DTD1: variants seen among roughly 807,000 people sequenced by gnomAD.
DTD1 encodes D-tyrosyl-tRNA deacylase 1 homolog.
DTD1 carries 13 observed loss-of-function variants against 25.6 expected under a neutral mutation model. The ratio of observed to expected loss-of-function variants is 0.51; its 90% confidence interval spans 0.33 to 0.81. The LOEUF is 0.81. DTD1 is among the 30% of genes least tolerant of loss of function. The pLI is 0.02. For missense variants in DTD1, 193 were observed against 266.4 expected (o/e 0.72, Z 1.92); for synonymous variants, 110 against 103.6 (o/e 1.06, Z -0.37).
At chr20:18,747,818 T>C (rs2061306022) in intron 5 of DTD1, among the ~76,000 whole-genome samples, 1 of 149,858 alleles carries the variant, frequency 6.7e-6, no homozygotes, top group African/African-American at 2.5e-5. Context: ...CGAGACCATC[T>C]GGCCAATATG....
At chr20:18,611,667 C>T (rs1436351236) in intron 3 of DTD1, among the ~76,000 whole-genome samples, 1 of 152,138 alleles carries the variant, frequency 6.6e-6, no homozygotes, top group Non-Finnish European at 1.5e-5. Flanking sequence ...TCATCTGCCG[C>T]AGCTCTTCCC....
At chr20:18,702,281 TC>T (rs749654815) in intron 4 of DTD1, among the ~76,000 whole-genome samples, 2 of 152,188 alleles carry the variant, frequency 1.3e-5, no homozygotes, top group Non-Finnish European at 2.9e-5. Context: ...CCCGCCCCCT[TC>T]CCTCCATCTC....
At chr20:18,700,695 C>G (rs759219894) in intron 4 of DTD1, among the ~76,000 whole-genome samples, 1 of 152,044 alleles carries the variant, frequency 6.6e-6, no homozygotes, top group African/African-American at 2.4e-5. Context: ...TTTGACGTGG[C>G]GTCAGTGGCA....
intron 5 of DTD1, among the ~76,000 whole-genome samples, chr20:18,747,231 G>A (rs1472775544): frequency 6.6e-6 from 1 of 152,114 alleles, no homozygotes; most frequent in Admixed American, 6.5e-5. Flanking sequence ...GAAACTCATC[G>A]AGGTCTTCTT....
chr20:18,616,149 C>T (rs948286661), intron 3 of DTD1, among the ~76,000 whole-genome samples: 2 of 152,214 alleles, frequency 1.3e-5, no homozygotes, highest in Admixed American at 1.3e-4. Flanking sequence ...AACTGTGGTA[C>T]AGGCTGTTGC....
At chr20:18,732,235 TAAAG>T (rs2061241065) in intron 4 of DTD1, among the ~76,000 whole-genome samples, 1 of 152,224 alleles carries the variant, frequency 6.6e-6, no homozygotes, top group Admixed American at 6.5e-5. Flanking sequence ...TTGAATCACT[TAAAG>T]AACACTGTTA....
intron 3 of DTD1, among the ~76,000 whole-genome samples, chr20:18,615,386 G>A (rs1401030310): frequency 2.6e-5 from 4 of 152,130 alleles, no homozygotes; most frequent in African/African-American, 7.2e-5. Flanking sequence ...TGAGCTAAAC[G>A]TTGAGGGTGC....
chr20:18,716,854 A>G (rs1341552825), intron 4 of DTD1, among the ~76,000 whole-genome samples: 1 of 152,138 alleles, frequency 6.6e-6, no homozygotes, highest in African/African-American at 2.4e-5. Flanking sequence ...TAAGGTTTTC[A>G]TGTTTTCTTG....
chr20:18,675,553 A>G (rs1479796266), intron 4 of DTD1: 1 of 152,016 alleles, frequency 6.6e-6, no homozygotes, highest in Admixed American at 6.5e-5. Context: ...ATCCTTGCCA[A>G]ATGTCTCGGG....
At chr20:18,652,426 G>C (rs1359227774) in intron 4 of DTD1, among the ~76,000 whole-genome samples, 1 of 152,140 alleles carries the variant, frequency 6.6e-6, no homozygotes, top group Non-Finnish European at 1.5e-5. Context: ...TTACTTTCTG[G>C]TGCGTACTTG....
At chr20:18,691,354 A>G (rs533028244) in intron 4 of DTD1, among the ~76,000 whole-genome samples, 2 of 152,372 alleles carry the variant, frequency 1.3e-5, no homozygotes, top group African/African-American at 2.4e-5. Flanking sequence ...TAGCAAAGAC[A>G]TGAAATAATC....
chr20:18,678,465 T>C (rs1300794942), intron 4 of DTD1, among the ~76,000 whole-genome samples: 1 of 152,210 alleles, frequency 6.6e-6, no homozygotes. Context: ...GTAGTATCTC[T>C]TGAGTTCTGA....
At chr20:18,609,372 G>A (rs186070282) in intron 3 of DTD1, among the ~76,000 whole-genome samples, 7 of 151,480 alleles carry the variant, frequency 4.6e-5, no homozygotes, top group African/African-American at 1.7e-4. Context: ...GTCTGGTCTT[G>A]AACTCCTGGG....
intron 4 of DTD1, chr20:18,675,416 A>G (rs1292320734): frequency 3.9e-5 from 6 of 152,334 alleles, no homozygotes; most frequent in Non-Finnish European, 8.8e-5. Context: ...TGCTGGATCC[A>G]TGTTGTTGTC....
intron 4 of DTD1, among the ~76,000 whole-genome samples, chr20:18,713,863 G>A (rs920105029): frequency 1.6e-4 from 25 of 152,158 alleles, no homozygotes; most frequent in African/African-American, 5.1e-4. Flanking sequence ...TTGTGACATA[G>A]CGTGGTTGTG....
At chr20:18,635,810 G>A (rs2060805120) in intron 4 of DTD1, among the ~76,000 whole-genome samples, 1 of 152,072 alleles carries the variant, frequency 6.6e-6, no homozygotes, top group African/African-American at 2.4e-5. Flanking sequence ...TCTTTGTTGG[G>A]GACCCATTGA....
rs181348659 is a variant in DTD1, at chr20:18,598,418, A to G, written c.370+2177A>G. On this transcript the variant is annotated intron_variant, in intron 3 of 5. Transcript: ENST00000377452. The stretch of plus-strand genomic sequence containing the variant: ...TTGGTTCCAAGTCTTTGCTATTGTA[A>G]AAAGTGCTGCAATAAACATACGTGT... Among the ~76,000 whole-genome samples, 161 of 152,224 alleles carry G rather than the reference A, an allele frequency of 1.1e-3. 1 individual carries two copies. Among genetic ancestry groups the G allele is most frequent in the African/African-American group, 3.5e-3 (144 of 41,518 alleles).
chr20:18,733,337 G>A (rs1290288415), intron 4 of DTD1, among the ~76,000 whole-genome samples: 6 of 152,232 alleles, frequency 3.9e-5, no homozygotes, highest in African/African-American at 1.4e-4. Context: ...AGCAGAAAGG[G>A]GCAGGTGCTC....
rs1600305891 is a variant in DTD1 at position 18,596,246 on chromosome 20, G to A, written c.370+5G>A. ...ACAGGCCGGAGCTTATCAAAGGTAA[G>A]CAGGAGAGCCACATCCAGGAACGGG... On this transcript the variant is annotated splice_donor_5th_base_variant and intron_variant, in intron 3 of 5. Transcript: ENST00000377452. 3.1e-6 allele frequency: 5 copies of A among 1,612,292 alleles called. No individual in the cohort carries two copies. The highest frequency in any genetic ancestry group is 4.2e-6 in the Non-Finnish European group (5 of 1,178,732).
Sources: gnomAD v4.1 joint callset for allele counts (sites outside exome capture counted in the v4.1 genomes callset) on GRCh38, gnomAD v4.1.1 for gene constraint, MANE v1.5 for transcripts, NCBI Gene and HGNC (gene_info 2026-07-23, HGNC 2026-07-21) for gene names.